Variants in SULF2 observed in about 807,000 individuals in gnomAD.
The protein encoded by SULF2 is sulfatase 2.
A neutral mutation model predicts 107.7 loss-of-function variants in SULF2; 52 were observed. The ratio of observed to expected loss-of-function variants is 0.48; its 90% CI spans 0.39 to 0.61. The LOEUF (loss-of-function observed/expected upper bound fraction) is 0.61. Ranked by LOEUF, SULF2 falls within the 20% of genes least tolerant of loss-of-function variation. The pLI is 0.00. For missense variants in SULF2, 993 were observed against 1,177.3 expected (o/e 0.84, Z 2.29); for synonymous variants, 460 against 464.3 (o/e 0.99, Z 0.12).
In SULF2 at chr20:47,689,325, C is replaced by T. The variant is rs557805046; in HGVS notation, c.737+801G>A. 3.9e-5 allele frequency among the ~76,000 whole-genome samples: 6 copies of T among 152,302 alleles called. No individual in the cohort carries two copies. The South Asian group carries it at 6.2e-4, about 16-fold the overall frequency. On this transcript the variant is annotated intron_variant, in intron 5 of 20. Transcript: ENST00000688720. ...TGTGGCACAGTGATGGTGCCACTTCCGAGATTAGGTTGTAAAAGACACTGT... is the reference window on the plus strand; with the variant it reads ...TGTGGCACAGTGATGGTGCCACTTCTGAGATTAGGTTGTAAAAGACACTGT...
intron 1 of SULF2, among the ~76,000 whole-genome samples, chr20:47,766,200 G>T (rs187109521): frequency 6.6e-6 from 1 of 152,324 alleles, no homozygotes. Context: ...ACTCCCCTGT[G>T]TCTCCCTTTC....
At chr20:47,705,716 GACGCACGTGACAGCCCCC>G (rs1331470067) in intron 3 of SULF2, among the ~76,000 whole-genome samples, 2 of 152,058 alleles carry the variant, frequency 1.3e-5, no homozygotes, top group African/African-American at 4.8e-5. Flanking sequence ...AATATTCGCC[GACGCACGTGACAGCCCCC>G]ACGCTACAAA....
At chr20:47,779,977 C>A (rs149490781) in intron 1 of SULF2, among the ~76,000 whole-genome samples, 3 of 151,400 alleles carry the variant, frequency 2.0e-5, no homozygotes, top group Non-Finnish European at 4.4e-5. Flanking sequence ...CTCTGACGTG[C>A]CCTCCCCCAC....
At chr20:47,754,659 C>T (rs2090239171) in intron 2 of SULF2, among the ~76,000 whole-genome samples, 1 of 152,228 alleles carries the variant, frequency 6.6e-6, no homozygotes, top group Non-Finnish European at 1.5e-5. Context: ...ATTTATCCTT[C>T]AGAAGCACTC....
At chr20:47,671,473 C>T (rs552527527) in intron 11 of SULF2, among the ~76,000 whole-genome samples, 125 of 152,206 alleles carry the variant, frequency 8.2e-4, no homozygotes, top group Middle Eastern at 3.4e-3. Context: ...GGGGTTTCAC[C>T]ATGTTGGCCA....
At chr20:47,679,815 G>A (rs1015359162) in intron 7 of SULF2, among the ~76,000 whole-genome samples, 12 of 152,134 alleles carry the variant, frequency 7.9e-5, no homozygotes, top group Admixed American at 7.2e-4. Context: ...AGTTTGTTCT[G>A]CAGCACAGAT....
At chr20:47,701,658 A>T (rs1370179472) in intron 4 of SULF2, among the ~76,000 whole-genome samples, 1 of 152,246 alleles carries the variant, frequency 6.6e-6, no homozygotes, top group African/African-American at 2.4e-5. Context: ...TAATAACCCC[A>T]AACTGGAAAT....
intron 18 of SULF2, chr20:47,661,521 G>A (rs1158066620): frequency 3.0e-6 from 1 of 337,322 alleles, no homozygotes; most frequent in Non-Finnish European, 5.6e-6. Flanking sequence ...GGACAAAAGG[G>A]AGGACAATGA....
Position 47,666,149 on chromosome 20 carries a change from A to T in SULF2, c.1805+111T>A, listed in dbSNP as rs2087260366. Reference sequence around the variant, plus strand: ...TCGGGAAGGCCTCCAGTGCCACTGAAGTCCCCACCATCCTTGTCATCTTGG... The same window carrying T: ...TCGGGAAGGCCTCCAGTGCCACTGATGTCCCCACCATCCTTGTCATCTTGG... On this transcript the variant is annotated intron_variant, in intron 12 of 20. Transcript: ENST00000688720. The surrounding 1 kb of genome is among the most constrained non-coding windows in gnomAD (Gnocchi z 5.4). 1.9e-6 allele frequency: 3 copies of T among 1,608,732 alleles called. No individual in the cohort carries two copies. The East Asian group carries it at 6.7e-5, about 36-fold the overall frequency.
At chr20:47,747,018 T>TATATAC (rs1232551264) in intron 2 of SULF2, among the ~76,000 whole-genome samples, 2 of 75,114 alleles carry the variant, frequency 2.7e-5, no homozygotes, top group African/African-American at 4.1e-5. Context: ...TATATATATA[T>TATATAC]ACACACACAC....
In SULF2 at chr20:47,732,392, G is replaced by A. The variant is rs59871696; in HGVS notation, c.415+4311C>T. Among the ~76,000 whole-genome samples, 926 of 152,338 alleles carry A rather than the reference G, an allele frequency of 6.1e-3. 9 individuals carry two copies. The highest frequency in any genetic ancestry group is 0.021 in the African/African-American group (862 of 41,562). On this transcript the variant is annotated intron_variant, in intron 3 of 20. Transcript: ENST00000688720. ...GAGACTGGATTCAAACCCAGGCAAA[G>A]CTAATGCCCTCAACCACTCTGCAGA...
chr20:47,762,324 G>C (rs945502427), intron 1 of SULF2, among the ~76,000 whole-genome samples: 1 of 152,170 alleles, frequency 6.6e-6, no homozygotes, highest in African/African-American at 2.4e-5. Context: ...CCTACAAATA[G>C]CAACTCTCTG....
At chr20:47,665,160 G>C in intron 14 of SULF2, 39 bp downstream of exon 14, 4 of 1,278,886 alleles carry the variant, frequency 3.1e-6, no homozygotes, top group African/African-American at 2.9e-5. Flanking sequence ...TCCTGTAGGA[G>C]AGTGGGGTCT....
chr20:47,766,058 C>T (rs909287197), intron 1 of SULF2, among the ~76,000 whole-genome samples: 6 of 152,170 alleles, frequency 3.9e-5, no homozygotes, highest in Non-Finnish European at 5.9e-5. Flanking sequence ...GCAGGAGAAA[C>T]AGTTTGGGCA....
intron 1 of SULF2, among the ~76,000 whole-genome samples, chr20:47,784,942 TG>T (rs1260805414): frequency 6.6e-6 from 1 of 152,138 alleles, no homozygotes. Context: ...CCACGTGGGC[TG>T]GCATCTACCG....
chr20:47,724,301 C>T (rs531888722), intron 3 of SULF2, among the ~76,000 whole-genome samples: 1 of 152,324 alleles, frequency 6.6e-6, no homozygotes, highest in East Asian at 1.9e-4. Context: ...AGCAGATCGC[C>T]AGGGCGAGAG....
chr20:47,758,044 A>G (rs1316619690), intron 1 of SULF2, among the ~76,000 whole-genome samples: 1 of 151,744 alleles, frequency 6.6e-6, no homozygotes, highest in East Asian at 1.9e-4. Context: ...CCCGTTTGGA[A>G]CCTCGGTTTC....
intron 3 of SULF2, among the ~76,000 whole-genome samples, chr20:47,714,627 C>A (rs769516541): frequency 3.7e-4 from 57 of 152,264 alleles, no homozygotes; most frequent in Non-Finnish European, 6.5e-4. Flanking sequence ...ATCAAGCCCC[C>A]CACTCTGTGC....
chr20:47,742,763 C>T (rs1295820662), intron 2 of SULF2, among the ~76,000 whole-genome samples: 1 of 151,982 alleles, frequency 6.6e-6, no homozygotes, highest in Non-Finnish European at 1.5e-5. Context: ...CCAGTAAGTC[C>T]ATCGTTGATA....
Sources: allele counts gnomAD v4.1 joint callset (sites outside exome capture counted in the v4.1 genomes callset), GRCh38; gene constraint gnomAD v4.1.1; non-coding constraint Gnocchi (gnomAD v3.1); transcripts MANE v1.5; gene names NCBI Gene and HGNC (gene_info 2026-07-23, HGNC 2026-07-21).